ASAP1: variants seen among roughly 807,000 people sequenced by gnomAD.
ASAP1 encodes arf-GAP with SH3 domain, ANK repeat and PH domain-containing protein 1.
A neutral mutation model predicts 145.2 loss-of-function variants in ASAP1; 43 were observed. The observed-to-expected ratio is 0.30, with a 90% CI of 0.23 to 0.38. The LOEUF is 0.38. Among genes scored for constraint, ASAP1 ranks in the 10% least tolerant of loss-of-function variants. ASAP1 has a pLI of 1.00. For synonymous variants in ASAP1, 546 were observed against 515.5 expected (o/e 1.06, Z -0.80); for missense variants, 1,018 against 1,355.3 (o/e 0.75, Z 3.91).
At position 130,054,054 on chromosome 8, in the gene ASAP1, T is replaced by C. The variant is rs139313336; in HGVS notation, c.*677A>G. Reference sequence around the variant, plus strand: ...GATATGTTATTTTTGCATAATGAGGTAATATATCAGGGGCGGGCACTCATA... The same window carrying C: ...GATATGTTATTTTTGCATAATGAGGCAATATATCAGGGGCGGGCACTCATA... On this transcript the variant is annotated 3_prime_UTR_variant, in exon 30 of 30. Transcript: ENST00000518721. The C allele has an allele frequency of 6.5e-6, 1 of 152,720 alleles. No individual in the cohort carries two copies. Among genetic ancestry groups the C allele is most frequent in the East Asian group, 1.9e-4 (1 of 5,182 alleles). 9.5% of individuals were successfully genotyped at this position (152,720 alleles called of 1,614,324 possible).
At chr8:130,408,905 T>C (rs146014785) in intron 1 of ASAP1, among the ~76,000 whole-genome samples, 1 of 152,330 alleles carries the variant, frequency 6.6e-6, no homozygotes, top group Non-Finnish European at 1.5e-5. Flanking sequence ...CAAGGCACTA[T>C]GGATCATGAC....
At chr8:130,233,334 C>T (rs1408905421) in intron 4 of ASAP1, among the ~76,000 whole-genome samples, 1 of 152,126 alleles carries the variant, frequency 6.6e-6, no homozygotes, top group Admixed American at 6.5e-5. Flanking sequence ...CAACATGTAG[C>T]GATTCACTCA....
intron 27 of ASAP1, 78 bp from the exon 28 acceptor site, chr8:130,061,147 T>G: frequency 2.0e-6 from 3 of 1,501,668 alleles, no homozygotes; most frequent in Non-Finnish European, 2.7e-6. Context: ...AGAGGCACCA[T>G]CATCATGAAG....
At chr8:130,219,742 TA>T (rs1033548515) in intron 4 of ASAP1, among the ~76,000 whole-genome samples, 1 of 152,228 alleles carries the variant, frequency 6.6e-6, no homozygotes, top group Non-Finnish European at 1.5e-5. Context: ...CCAATATTCC[TA>T]AGAAACTTCT....
Position 130,052,496 on chromosome 8 carries a change from C to G in ASAP1, c.*2235G>C, listed in dbSNP as rs1261571134. On this transcript the variant is annotated 3_prime_UTR_variant, in exon 30 of 30. Coordinates refer to ENST00000518721, the MANE Select transcript of ASAP1 (RefSeq NM_018482.4). ...GATAGTGGCTTACTGAGTTTAAGAT[C>G]AAGATCAGACTTAAACTCAACAAGA... 2.6e-5 allele frequency: 4 copies of G among 152,250 alleles called. No individual in the cohort carries two copies. Among genetic ancestry groups the G allele is most frequent in the African/African-American group, 9.7e-5 (4 of 41,296 alleles). 9.4% of individuals were successfully genotyped at this position (152,250 alleles called of 1,614,324 possible).
chr8:130,158,337 C>T (rs2097662053), intron 12 of ASAP1, among the ~76,000 whole-genome samples: 1 of 147,768 alleles, frequency 6.8e-6, no homozygotes, highest in African/African-American at 2.5e-5. Flanking sequence ...AAGAGGGACC[C>T]TGCTTATATT....
intron 1 of ASAP1, among the ~76,000 whole-genome samples, chr8:130,428,487 T>TCAC: frequency 7.3e-6 from 1 of 136,986 alleles, no homozygotes; most frequent in Non-Finnish European, 1.5e-5. Context: ...ACCACCATCT[T>TCAC]CATCACCATC....
Position 130,128,045 on chromosome 8 carries a change from C to T in ASAP1, c.1263G>A (p.Met421Ile). 6.2e-7 allele frequency: 1 copy of T among 1,612,976 alleles called. No homozygotes were observed. Among genetic ancestry groups the T allele is most frequent in the Non-Finnish European group, 8.5e-7 (1 of 1,179,678 alleles). ...LTNSKEEALTMAFRGEQSAGE... is the reference protein window; with the variant it reads ...LTNSKEEALTIAFRGEQSAGE... ...CCGCACTCTGCTCTCCACGGAAGGC[C>T]ATGGTTAGGGCCTCTTCTTTGCTAT... Residue 421 changes from methionine to isoleucine, a missense_variant, in exon 16 of 30, where the codon ATG (methionine) becomes ATA (isoleucine). By Grantham distance (10) the Met-to-Ile change is conservative (BLOSUM62 1). Around this residue, in one of 9 missense-constraint regions of ASAP1, gnomAD observed 153 missense variants for 221.6 expected, o/e 0.69. Transcript: ENST00000518721.
chr8:130,162,894 C>T (rs145518009), intron 11 of ASAP1: 4 of 152,242 alleles, frequency 2.6e-5, no homozygotes, highest in Non-Finnish European at 4.4e-5. Context: ...TCCTTGGAAC[C>T]CTTGTTACGG....
Position 130,162,735 on chromosome 8 carries a change from G to A in ASAP1, c.910-2771C>T, listed in dbSNP as rs200826936. On this transcript the variant is annotated intron_variant, in intron 11 of 29. Transcript: ENST00000518721. ...CAGGAGGCTGAGGCAGAAGAATGGC[G>A]TGAACCCAGGAGGCGGGGCTTGCAG... Among the ~76,000 whole-genome samples the A allele has an allele frequency of 1.1e-4, 16 of 151,502 alleles. No homozygotes were observed. In the East Asian group the frequency reaches 1.9e-3, roughly 18 times the overall value.
At chr8:130,376,928 A>G (rs1251701626) in intron 2 of ASAP1, among the ~76,000 whole-genome samples, 2 of 147,178 alleles carry the variant, frequency 1.4e-5, no homozygotes, top group Non-Finnish European at 3.0e-5. Context: ...AAAAAAAAAA[A>G]AAGTCTTGCT....
intron 3 of ASAP1, among the ~76,000 whole-genome samples, chr8:130,241,601 C>G (rs1818531460): frequency 6.6e-6 from 1 of 152,052 alleles, no homozygotes; most frequent in African/African-American, 2.4e-5. Flanking sequence ...CAAAATAGTT[C>G]TAGATTCAGA....
At chr8:130,197,184 T>G (rs550906511) in intron 5 of ASAP1, among the ~76,000 whole-genome samples, 8 of 152,316 alleles carry the variant, frequency 5.3e-5, no homozygotes, top group African/African-American at 1.9e-4. Context: ...TTCCAGCACT[T>G]TGGGAGGCTG....
chr8:130,219,084 T>C (rs895483593), intron 4 of ASAP1, among the ~76,000 whole-genome samples: 2 of 152,162 alleles, frequency 1.3e-5, no homozygotes, highest in African/African-American at 4.8e-5. Flanking sequence ...GTCTGGCATG[T>C]GGCATGTGCC....
At chr8:130,343,783 T>C (rs1003870205) in intron 3 of ASAP1, among the ~76,000 whole-genome samples, 2 of 152,092 alleles carry the variant, frequency 1.3e-5, no homozygotes, top group Admixed American at 6.6e-5. Flanking sequence ...GGGAGCAACT[T>C]AAGGGAGGGA....
At chr8:130,199,717 T>C (rs566731554) in intron 5 of ASAP1, among the ~76,000 whole-genome samples, 1 of 152,272 alleles carries the variant, frequency 6.6e-6, no homozygotes, top group South Asian at 2.1e-4. Context: ...TAAAATGAGC[T>C]ACTGAGATAC....
intron 3 of ASAP1, among the ~76,000 whole-genome samples, chr8:130,261,505 G>A (rs1819895855): frequency 6.6e-6 from 1 of 152,188 alleles, no homozygotes; most frequent in Non-Finnish European, 1.5e-5. Flanking sequence ...CGGGAATGGG[G>A]TGATGAGTGA....
At chr8:130,088,028 G>A (rs2097497503) in intron 25 of ASAP1, among the ~76,000 whole-genome samples, 1 of 152,132 alleles carries the variant, frequency 6.6e-6, no homozygotes, top group Non-Finnish European at 1.5e-5. Flanking sequence ...GCTGAATAAT[G>A]GCCACCCAAA....
At chr8:130,259,902 G>A (rs541512947) in intron 3 of ASAP1, among the ~76,000 whole-genome samples, 4 of 152,272 alleles carry the variant, frequency 2.6e-5, no homozygotes, top group African/African-American at 9.6e-5. Flanking sequence ...TTCAAATTAA[G>A]TGCATTTATC....
Sources: allele counts gnomAD v4.1 joint callset (sites outside exome capture counted in the v4.1 genomes callset), GRCh38; gene constraint gnomAD v4.1.1; regional missense constraint gnomAD v4.1.1; transcripts MANE v1.5; gene names NCBI Gene and HGNC (gene_info 2026-07-23, HGNC 2026-07-21).